GMEB2: variants seen among roughly 807,000 people sequenced by gnomAD.
GMEB2 encodes the protein glucocorticoid modulatory element-binding protein 2.
GMEB2 carries 7 observed loss-of-function variants against 45.7 expected under a neutral mutation model. That is an observed-to-expected ratio of 0.15 (90% CI 0.09 to 0.29). The LOEUF (loss-of-function observed/expected upper bound fraction) is 0.29. Among genes scored for constraint, GMEB2 ranks in the 10% least tolerant of loss-of-function variants. The pLI, the probability that GMEB2 is intolerant of heterozygous loss-of-function variation, is 1.00. For synonymous variants in GMEB2, 322 were observed against 323.6 expected (o/e 1.00, Z 0.05); for missense variants, 582 against 739.2 (o/e 0.79, Z 2.47).
chr20:63,600,342 G>A (rs1419903922), intron 4 of GMEB2, among the ~76,000 whole-genome samples: 1 of 151,354 alleles, frequency 6.6e-6, no homozygotes, highest in Admixed American at 6.6e-5. Flanking sequence ...ACCATGCCCA[G>A]CCTACATTTT....
At chr20:63,622,181 C>T (rs2089645830) in intron 1 of GMEB2, among the ~76,000 whole-genome samples, 1 of 152,072 alleles carries the variant, frequency 6.6e-6, no homozygotes, top group Non-Finnish European at 1.5e-5. Context: ...TCTTCCAGAA[C>T]TTTTAAAATC....
intron 1 of GMEB2, among the ~76,000 whole-genome samples, chr20:63,620,552 G>A (rs1284355550): frequency 6.6e-6 from 1 of 152,192 alleles, no homozygotes; most frequent in Non-Finnish European, 1.5e-5. Context: ...TCTCTACGTG[G>A]TCCTGACCCT....
At chr20:63,600,596 T>TA (rs1310702384) in intron 4 of GMEB2, among the ~76,000 whole-genome samples, 3 of 150,734 alleles carry the variant, frequency 2.0e-5, no homozygotes, top group African/African-American at 4.9e-5. Flanking sequence ...TGGGTGCCCG[T>TA]AGTCCCAGCT....
intron 3 of GMEB2, among the ~76,000 whole-genome samples, chr20:63,604,319 G>A (rs1309095892): frequency 6.6e-6 from 1 of 150,906 alleles, no homozygotes; most frequent in Non-Finnish European, 1.5e-5. Flanking sequence ...TTAAGGCTAT[G>A]GTGAACGGTG....
chr20:63,597,742 TG>T lies in GMEB2; in HGVS notation c.461+14del. ...CCCCTTCCAGCAGGGAGGCTGACCC[TG>T]CGCCAGCGCCCACCTGAGCATGATG... On this transcript the variant is annotated intron_variant, in intron 5 of 9. Coordinates refer to ENST00000370077, the MANE Select transcript of GMEB2 (RefSeq NM_012384.5). 1 of 1,455,840 alleles carries T rather than the reference TG, an allele frequency of 6.9e-7. No homozygotes were observed. The highest frequency in any genetic ancestry group is 9.7e-7 in the Non-Finnish European group (1 of 1,035,736). 90.2% of individuals were successfully genotyped at this position (1,455,840 alleles called of 1,614,324 possible).
chr20:63,605,062 C>T (rs2089508563), intron 2 of GMEB2, among the ~76,000 whole-genome samples: 1 of 151,474 alleles, frequency 6.6e-6, no homozygotes, highest in Admixed American at 6.6e-5. Flanking sequence ...ACCAGCCTGG[C>T]CAACACGGTG....
At chr20:63,615,615 C>T (rs2089602940) in intron 2 of GMEB2, among the ~76,000 whole-genome samples, 1 of 152,172 alleles carries the variant, frequency 6.6e-6, no homozygotes, top group African/African-American at 2.4e-5. Context: ...CAGGAGCCAC[C>T]AGGCCTGGCC....
At chr20:63,615,016 G>T (rs2089598324) in intron 2 of GMEB2, among the ~76,000 whole-genome samples, 3 of 152,124 alleles carry the variant, frequency 2.0e-5, no homozygotes, top group Admixed American at 1.3e-4. Context: ...TCTTTGTCTT[G>T]TGTCTTTATT....
intron 6 of GMEB2, 30 bp downstream of exon 6, chr20:63,595,579 TG>T: frequency 6.4e-7 from 1 of 1,563,318 alleles, no homozygotes; most frequent in Non-Finnish European, 8.7e-7. Context: ...AGGGTGGGGC[TG>T]GGTCAGGACG....
chr20:63,609,096 C>T (rs77358500), intron 2 of GMEB2, among the ~76,000 whole-genome samples: 297 of 27,576 alleles, frequency 0.011, 2 homozygotes, highest in South Asian at 0.029. Flanking sequence ...TAGAAACATG[C>T]CCCTCTGACC....
At position 63,595,590 on chromosome 20, in the gene GMEB2, G is replaced by A. The variant is rs373458018; in HGVS notation, c.619+20C>T. On this transcript the variant is annotated intron_variant, in intron 6 of 9. Coordinates refer to ENST00000370077, the MANE Select transcript of GMEB2 (RefSeq NM_012384.5). ...GGCCAGGGTGGGGCTGGGTCAGGAC[G>A]AGCAGCCCTGTGCACCTACCGTCGG... 62 of 1,582,090 alleles carry A rather than the reference G, an allele frequency of 3.9e-5. No individual in the cohort carries two copies. Among genetic ancestry groups the A allele is most frequent in the South Asian group, 4.5e-5 (4 of 88,352 alleles).
chr20:63,601,667 A>C (rs34533955), intron 4 of GMEB2, among the ~76,000 whole-genome samples: 26,086 of 151,804 alleles, frequency 0.17, 3,069 homozygotes, highest in East Asian at 0.49. Context: ...AAGCCATGGC[A>C]CCCGGCCTCT....
chr20:63,610,947 G>A (rs577716369), intron 2 of GMEB2, among the ~76,000 whole-genome samples: 3 of 152,338 alleles, frequency 2.0e-5, no homozygotes, highest in South Asian at 2.1e-4. Context: ...CCTGGCAGAT[G>A]AGGACCACAT....
intron 1 of GMEB2, among the ~76,000 whole-genome samples, chr20:63,626,179 G>A (rs1015289174): frequency 2.6e-5 from 4 of 152,250 alleles, no homozygotes; most frequent in African/African-American, 9.6e-5. Flanking sequence ...GCGGGCCCCT[G>A]TGGGGTGGTC....
In GMEB2 at chr20:63,589,996, C is replaced by G; in HGVS notation, c.*93G>C. The stretch of plus-strand genomic sequence containing the variant: ...TCTGCAGACCACGTGACCCACCTGC[C>G]CGAGCCAGCCCTGCGGCCTCTGCCC... On this transcript the variant is annotated 3_prime_UTR_variant, in exon 10 of 10. Coordinates refer to ENST00000370077, the MANE Select transcript of GMEB2 (RefSeq NM_012384.5). 1 of 1,160,930 alleles carries G rather than the reference C, an allele frequency of 8.6e-7. No homozygotes were observed. Among genetic ancestry groups the G allele is most frequent in the Non-Finnish European group, 1.2e-6 (1 of 859,154 alleles). 71.9% of individuals were successfully genotyped at this position (1,160,930 alleles called of 1,614,324 possible).
chr20:63,621,500 GACTAAAAAT>G (rs1052192585), intron 1 of GMEB2, among the ~76,000 whole-genome samples: 1 of 151,812 alleles, frequency 6.6e-6, no homozygotes, highest in Non-Finnish European at 1.5e-5. Context: ...ATCCTGTCTT[GACTAAAAAT>G]ACTAAAAATT....
At position 63,588,835 on chromosome 20, in the gene GMEB2, T is replaced by C. The variant is rs1361744191; in HGVS notation, c.*1254A>G. On this transcript the variant is annotated 3_prime_UTR_variant, in exon 10 of 10. Transcript: ENST00000370077. ...GGCCTGGGCTGGCTGCTCCCTGAGA[T>C]GCCTGCCCCAGGACCCTGGCCTGGA... is the stretch of plus-strand genomic sequence containing the variant. 3.3e-5 allele frequency: 13 copies of C among 398,698 alleles called. No homozygotes were observed. In the East Asian group the frequency reaches 3.9e-4, roughly 12 times the overall value. 24.7% of individuals were successfully genotyped at this position (398,698 alleles called of 1,614,324 possible). A position where few individuals can be genotyped will look rare whatever the true frequency, so the allele number is the denominator to read the frequency against.
intron 1 of GMEB2, among the ~76,000 whole-genome samples, chr20:63,621,413 C>T (rs985544548): frequency 5.3e-5 from 8 of 151,938 alleles, no homozygotes; most frequent in African/African-American, 1.5e-4. Flanking sequence ...TGGTGGCTCA[C>T]GCCTGTAATC....
intron 4 of GMEB2, among the ~76,000 whole-genome samples, chr20:63,598,229 C>T (rs1286593622): frequency 1.3e-5 from 2 of 152,124 alleles, no homozygotes; most frequent in African/African-American, 4.8e-5. Context: ...TACGTTACAT[C>T]GCAGATGGCA....
Sources: allele counts gnomAD v4.1 joint callset (sites outside exome capture counted in the v4.1 genomes callset), GRCh38; gene constraint gnomAD v4.1.1; transcripts MANE v1.5; gene names NCBI Gene and HGNC (gene_info 2026-07-23, HGNC 2026-07-21).